TLE4: variants seen among roughly 807,000 people sequenced by gnomAD.
TLE4 encodes TLE family member 4, transcriptional corepressor.
TLE4 carries 8 observed loss-of-function variants against 92.8 expected under a neutral mutation model. That is an observed-to-expected ratio of 0.09 (90% CI 0.05 to 0.16). The LOEUF is 0.16. Among genes scored for constraint, TLE4 ranks in the 10% least tolerant of loss-of-function variants. The pLI, the probability that TLE4 is intolerant of heterozygous loss-of-function variation, is 1.00. For missense variants in TLE4, 675 were observed against 997.6 expected (o/e 0.68, Z 4.36); for synonymous variants, 371 against 374.1 (o/e 0.99, Z 0.10).
intron 8 of TLE4, among the ~76,000 whole-genome samples, chr9:79,664,282 A>C (rs896275735): frequency 1.3e-5 from 2 of 152,252 alleles, no homozygotes; most frequent in Admixed American, 1.3e-4. Context: ...GAAATGAATA[A>C]AAATTTTTCT....
intron 6 of TLE4, chr9:79,649,879 G>A: frequency 1.5e-6 from 2 of 1,352,166 alleles, no homozygotes; most frequent in South Asian, 2.4e-5. Context: ...TTGGCTGAGG[G>A]CTTTTTGTTG....
rs1440444535 is a variant in TLE4 at position 79,579,942 on chromosome 9, A to G, written c.252+3765A>G. The G allele has an allele frequency of 2.0e-5, 3 of 152,236 alleles. No homozygotes were observed. The East Asian group carries it at 5.8e-4, about 29-fold the overall frequency. 9.4% of individuals were successfully genotyped at this position (152,236 alleles called of 1,614,324 possible). A position where few individuals can be genotyped will look rare whatever the true frequency, so the allele number is the denominator to read the frequency against. On this transcript the variant is annotated intron_variant, in intron 4 of 19. Coordinates refer to ENST00000376552, the MANE Select transcript of TLE4 (RefSeq NM_007005.6). ...GGGAAGCAGTATGGATTTGCATTGT[A>G]TCTGATACCCTCTAGTACCAAGTGG...
chr9:79,652,081 A>T (rs2134192618), intron 6 of TLE4, among the ~76,000 whole-genome samples: 1 of 122,566 alleles, frequency 8.2e-6, no homozygotes. Flanking sequence ...AAAACCTCCA[A>T]GTATAAGAAA....
Position 79,696,149 on chromosome 9 carries a change from T to TA in TLE4, c.610-8626dup, listed in dbSNP as rs376936426. Among the ~76,000 whole-genome samples, 150 of 152,056 alleles carry TA rather than the reference T, an allele frequency of 9.9e-4. 1 individual carries two copies. The highest frequency in any genetic ancestry group is 3.1e-3 in the African/African-American group (130 of 41,462). ...ACATCAGATTTTGAACAGTTAGTACTAAAAAAAATGTAAAATGTCACATAA... is the reference window on the plus strand; with the variant it reads ...ACATCAGATTTTGAACAGTTAGTACTAAAAAAAAATGTAAAATGTCACATAA... On this transcript the variant is annotated intron_variant, in intron 8 of 19. Transcript: ENST00000376552.
chr9:79,630,041 G>A (rs2053765219), intron 6 of TLE4, among the ~76,000 whole-genome samples: 1 of 152,142 alleles, frequency 6.6e-6, no homozygotes, highest in African/African-American at 2.4e-5. Flanking sequence ...CTGAAGGAAT[G>A]ACAGTTTTCC....
chr9:79,602,314 C>T (rs2045845712), intron 4 of TLE4, among the ~76,000 whole-genome samples: 1 of 152,188 alleles, frequency 6.6e-6, no homozygotes, highest in African/African-American at 2.4e-5. Context: ...ATAAGACAGC[C>T]TTCTATTGGA....
intron 6 of TLE4, among the ~76,000 whole-genome samples, chr9:79,634,051 G>GT (rs1312263453): frequency 6.6e-6 from 1 of 152,142 alleles, no homozygotes; most frequent in Non-Finnish European, 1.5e-5. Flanking sequence ...TTGTGAAAAG[G>GT]TTAGAACTCT....
At chr9:79,639,445 C>G (rs1809719103) in intron 6 of TLE4, among the ~76,000 whole-genome samples, 1 of 152,106 alleles carries the variant, frequency 6.6e-6, no homozygotes, top group African/African-American at 2.4e-5. Context: ...TGTCGTAACA[C>G]CACAGCAAAT....
intron 8 of TLE4, among the ~76,000 whole-genome samples, chr9:79,662,114 G>A (rs1025927784): frequency 8.5e-5 from 13 of 152,170 alleles, no homozygotes; most frequent in Admixed American, 8.5e-4. Context: ...CAGAAATGCA[G>A]GCAGTGAGGT....
chr9:79,678,507 T>C (rs1416767597), intron 8 of TLE4, among the ~76,000 whole-genome samples: 1 of 152,098 alleles, frequency 6.6e-6, no homozygotes, highest in African/African-American at 2.4e-5. Flanking sequence ...AGATTACCAC[T>C]GTATCTGAGA....
In TLE4 at chr9:79,625,723, C is replaced by G. The variant is rs1587465472; in HGVS notation, c.316-1651C>G. On this transcript the variant is annotated intron_variant, in intron 5 of 19. Coordinates refer to ENST00000376552, the MANE Select transcript of TLE4 (RefSeq NM_007005.6). Reference sequence around the variant, plus strand: ...GGAACCTGAAATGACAATTGCTGGCCATTTTATTGACTGTGCCCTTCTATT... The same window carrying G: ...GGAACCTGAAATGACAATTGCTGGCGATTTTATTGACTGTGCCCTTCTATT... 2.0e-5 allele frequency among the ~76,000 whole-genome samples: 3 copies of G among 152,084 alleles called. No individual in the cohort carries two copies. In the South Asian group the frequency reaches 6.2e-4, roughly 32 times the overall value.
chr9:79,709,966 T>A (rs1388396868), intron 14 of TLE4, among the ~76,000 whole-genome samples: 1 of 152,238 alleles, frequency 6.6e-6, no homozygotes, highest in Non-Finnish European at 1.5e-5. Flanking sequence ...CTGTTGCAGA[T>A]TTCAAGGCAA....
chr9:79,693,181 T>C (rs138545934), intron 8 of TLE4, among the ~76,000 whole-genome samples: 7 of 152,314 alleles, frequency 4.6e-5, no homozygotes, highest in African/African-American at 1.7e-4. Context: ...GGGATTCTTC[T>C]GGTATTACAA....
chr9:79,575,042 G>T, intron 3 of TLE4, 106 bp downstream of exon 3: 1 of 884,848 alleles, frequency 1.1e-6, no homozygotes, highest in South Asian at 1.5e-5. Context: ...CAGTCACCCT[G>T]CCAGTGCAGT....
At position 79,718,989 on chromosome 9, in the gene TLE4, A is replaced by G. The variant is rs1281182330; in HGVS notation, c.1590+18A>G. The G allele has an allele frequency of 1.3e-6, 2 of 1,595,884 alleles. No individual in the cohort carries two copies. The highest frequency in any genetic ancestry group is 1.3e-5 in the African/African-American group (1 of 74,634). ...ACTGTCTGGTGAGTGAACATGGATG[A>G]ACAAGACTTAGACTTTCATTCAGAA... On this transcript the variant is annotated intron_variant, in intron 15 of 19. Coordinates refer to ENST00000376552, the MANE Select transcript of TLE4 (RefSeq NM_007005.6).
chr9:79,573,182 C>A, intron 1 of TLE4: 1 of 950,924 alleles, frequency 1.1e-6, no homozygotes, highest in Non-Finnish European at 1.3e-6. Context: ...AGGGCGCCCT[C>A]GGCAGCGGCG....
chr9:79,586,730 A>G (rs530196074), intron 4 of TLE4, among the ~76,000 whole-genome samples: 1 of 152,334 alleles, frequency 6.6e-6, no homozygotes, highest in East Asian at 1.9e-4. Context: ...TTATAAATCA[A>G]AGACACAGTA....
At chr9:79,715,055 T>G (rs940924144) in intron 14 of TLE4, among the ~76,000 whole-genome samples, 1 of 152,152 alleles carries the variant, frequency 6.6e-6, no homozygotes, top group African/African-American at 2.4e-5. Context: ...TGGAATTCAT[T>G]TGGACTCTTT....
chr9:79,710,762 TCTACTAC>T (rs1433222997), intron 14 of TLE4, among the ~76,000 whole-genome samples: 3 of 152,160 alleles, frequency 2.0e-5, no homozygotes, highest in Admixed American at 6.5e-5. Flanking sequence ...TCTTTCCTCT[TCTACTAC>T]CTTTTTAATG....
Sources: gnomAD v4.1 joint callset for allele counts (sites outside exome capture counted in the v4.1 genomes callset) on GRCh38, gnomAD v4.1.1 for gene constraint, MANE v1.5 for transcripts, NCBI Gene and HGNC (gene_info 2026-07-23, HGNC 2026-07-21) for gene names.